Variants in PPP4R3B observed in about 807,000 individuals in gnomAD.
PPP4R3B encodes the protein protein phosphatase 4 regulatory subunit 3B, also known as serine/threonine-protein phosphatase 4 regulatory subunit 3B.
Under a neutral mutation model 95.4 loss-of-function variants are expected in PPP4R3B, and 52 were observed. The ratio of observed to expected loss-of-function variants is 0.54; its 90% CI spans 0.44 to 0.69. The LOEUF (loss-of-function observed/expected upper bound fraction) is 0.69. PPP4R3B is among the 30% of genes least tolerant of loss of function. The probability of loss-of-function intolerance (pLI) is 0.00; values close to 1 mark genes in which losing one functional copy is unlikely to be tolerated. For synonymous variants in PPP4R3B, 407 were observed against 343.9 expected (o/e 1.18, Z -2.03); for missense variants, 1,003 against 1,005.9 (o/e 1.00, Z 0.04).
Position 55,568,274 on chromosome 2 carries a change from T to C in PPP4R3B, c.1855A>G (p.Ile619Val), listed in dbSNP as rs753511168. ...ITKGNLFEPV[I>V]NALLDNGTRY... ...GTTCCATTATCCAGAAGTGCATTTATAACTGGCTCAAAAAGATTTCCCTTG... is the reference window on the plus strand; with the variant it reads ...GTTCCATTATCCAGAAGTGCATTTACAACTGGCTCAAAAAGATTTCCCTTG... The change falls in exon 13 of 17, where the codon ATA (isoleucine) becomes GTA (valine). Residue 619 changes from isoleucine to valine, a missense_variant. By Grantham distance (29) the Ile-to-Val change is conservative. Coordinates refer to ENST00000616407, the MANE Select transcript of PPP4R3B (RefSeq NM_001122964.3). 6 of 1,611,108 alleles carry C rather than the reference T, an allele frequency of 3.7e-6. No individual in the cohort carries two copies. The African/African-American group carries it at 6.7e-5, about 18-fold the overall frequency.
chr2:55,576,895 G>A (rs1238897719), intron 11 of PPP4R3B, among the ~76,000 whole-genome samples: 1 of 152,124 alleles, frequency 6.6e-6, no homozygotes, highest in Non-Finnish European at 1.5e-5. Context: ...GGTGCACACA[G>A]CACATGTCTT....
chr2:55,612,942 T>C (rs1243062042), intron 2 of PPP4R3B, among the ~76,000 whole-genome samples: 1 of 145,468 alleles, frequency 6.9e-6, no homozygotes, highest in Non-Finnish European at 1.5e-5. Context: ...CGAGACTCCA[T>C]CTCAAAAAAA....
At chr2:55,581,439 T>C (rs1689430461) in intron 8 of PPP4R3B, 128 bp downstream of exon 8, 3 of 981,228 alleles carry the variant, frequency 3.1e-6, no homozygotes, top group Admixed American at 2.7e-5. Flanking sequence ...TGAATTGCTA[T>C]AAGAATACCA....
intron 10 of PPP4R3B, among the ~76,000 whole-genome samples, chr2:55,578,016 G>T (rs1180961960): frequency 6.6e-6 from 1 of 152,100 alleles, no homozygotes; most frequent in African/African-American, 2.4e-5. Flanking sequence ...AGAGGATTAT[G>T]TAGGAGTTAA....
At chr2:55,606,828 A>G (rs1006221820) in intron 2 of PPP4R3B, among the ~76,000 whole-genome samples, 3 of 151,192 alleles carry the variant, frequency 2.0e-5, no homozygotes, top group African/African-American at 4.8e-5. Context: ...GCCTCAAAAA[A>G]AAAAAAAAAA....
At chr2:55,555,674 T>C (rs1227464689) in intron 16 of PPP4R3B, among the ~76,000 whole-genome samples, 1 of 152,208 alleles carries the variant, frequency 6.6e-6, no homozygotes, top group Non-Finnish European at 1.5e-5. Context: ...TGGTCACATA[T>C]TGCAGCAATG....
chr2:55,578,659 A>T (rs1324185234), intron 9 of PPP4R3B, among the ~76,000 whole-genome samples: 1 of 152,112 alleles, frequency 6.6e-6, no homozygotes, highest in Non-Finnish European at 1.5e-5. Flanking sequence ...CAAACAATGC[A>T]GCAACATTCT....
chr2:55,578,378 C>A, intron 9 of PPP4R3B, 36 bp from the exon 10 acceptor site: 1 of 1,317,440 alleles, frequency 7.6e-7, no homozygotes, highest in Non-Finnish European at 9.7e-7. Context: ...TTTGATAAAG[C>A]CAACAGGGAG....
chr2:55,562,608 C>T (rs1686774716), intron 15 of PPP4R3B, among the ~76,000 whole-genome samples: 1 of 152,178 alleles, frequency 6.6e-6, no homozygotes, highest in African/African-American at 2.4e-5. Flanking sequence ...AACCTCTTTT[C>T]TTCATAAACT....
At chr2:55,587,955 A>G (rs151165244) in intron 5 of PPP4R3B, among the ~76,000 whole-genome samples, 47 of 152,340 alleles carry the variant, frequency 3.1e-4, no homozygotes, top group African/African-American at 1.1e-3. Context: ...GAAACCGAAG[A>G]TATTCCTGTA....
At chr2:55,577,293 T>A in intron 11 of PPP4R3B, 22 bp downstream of exon 11, 1 of 1,548,190 alleles carries the variant, frequency 6.5e-7, no homozygotes, top group Non-Finnish European at 8.7e-7. Context: ...CATGTATTCA[T>A]AAAGTATGAA....
chr2:55,558,996 A>G (rs567432441), intron 15 of PPP4R3B, 28 bp from the exon 16 acceptor site: 19 of 1,547,674 alleles, frequency 1.2e-5, no homozygotes, highest in African/African-American at 4.1e-5. Flanking sequence ...TTTTGAACGT[A>G]TATCAATAAA....
intron 9 of PPP4R3B, among the ~76,000 whole-genome samples, 152 bp from the exon 10 acceptor site, chr2:55,578,494 C>T (rs1688996713): frequency 6.6e-6 from 1 of 151,882 alleles, no homozygotes; most frequent in Non-Finnish European, 1.5e-5. Context: ...TAAATGGAAC[C>T]ATTCTGCAAG....
At chr2:55,590,706 A>C (rs1690888668) in intron 4 of PPP4R3B, among the ~76,000 whole-genome samples, 1 of 152,240 alleles carries the variant, frequency 6.6e-6, no homozygotes, top group African/African-American at 2.4e-5. Flanking sequence ...GTTCTAAAAA[A>C]GTTTGTAACA....
chr2:55,585,777 C>G (rs1452979116), intron 6 of PPP4R3B, among the ~76,000 whole-genome samples: 1 of 152,156 alleles, frequency 6.6e-6, no homozygotes, highest in Non-Finnish European at 1.5e-5. Context: ...CTCCCCAACC[C>G]AGCAGTTCTC....
intron 7 of PPP4R3B, 100 bp from the exon 8 acceptor site, chr2:55,581,798 G>T: frequency 7.9e-7 from 1 of 1,261,858 alleles, no homozygotes; most frequent in Non-Finnish European, 1.1e-6. Flanking sequence ...GAATTATATA[G>T]AGAAAAAACG....
rs776571908 is a variant in PPP4R3B, at chr2:55,579,669, G to C, written c.1468+10C>G. On this transcript the variant is annotated intron_variant, in intron 9 of 16. Transcript: ENST00000616407. ...ACAGAAATCACAGCAGATAAATAAA[G>C]AGACCCTACCCTTTTCACATTTGTC... 12 of 1,521,958 alleles carry C rather than the reference G, an allele frequency of 7.9e-6. No individual in the cohort carries two copies. Among genetic ancestry groups the C allele is most frequent in the South Asian group, 1.3e-5 (1 of 75,516 alleles). 94.3% of individuals were successfully genotyped at this position (1,521,958 alleles called of 1,614,324 possible).
rs1309503800 is a variant in PPP4R3B at position 55,578,272 on chromosome 2, A to AGAATGG, written c.1533_1538dup (p.His512_Ser513dup). 1.4e-6 allele frequency: 2 copies of AGAATGG among 1,481,350 alleles called. No individual in the cohort carries two copies. Among genetic ancestry groups the AGAATGG allele is most frequent in the East Asian group, 5.1e-5 (2 of 38,858 alleles). The allele number at this position is 1,481,350 out of a possible 1,614,324, so 91.8% of individuals were successfully genotyped here. ...CTTGAGAGATGGAGGAAGAGGGGGTAGAATGGGAATGGGAATGTGAAGGGG... is the reference window on the plus strand; with the variant it reads ...CTTGAGAGATGGAGGAAGAGGGGGTAGAATGGGAATGGGAATGGGAATGTGAAGGGG... On this transcript the variant is annotated inframe_insertion, in exon 10 of 17. Coordinates refer to ENST00000616407, the MANE Select transcript of PPP4R3B (RefSeq NM_001122964.3).
Position 55,555,583 on chromosome 2 carries a change from G to A in PPP4R3B, c.2454+3192C>T, listed in dbSNP as rs116909690. Among the ~76,000 whole-genome samples the A allele has an allele frequency of 2.6e-4, 40 of 152,118 alleles. No homozygotes were observed. In the East Asian group the frequency reaches 6.8e-3, roughly 26 times the overall value. On this transcript the variant is annotated intron_variant, in intron 16 of 16. Coordinates refer to ENST00000616407, the MANE Select transcript of PPP4R3B (RefSeq NM_001122964.3). ...ACAAAAATTAGCCAGGCATGGTGTC[G>A]CACACCTGTAATCCTAGAACATTAT...
Sources: gnomAD v4.1 joint callset for allele counts (sites outside exome capture counted in the v4.1 genomes callset) on GRCh38, gnomAD v4.1.1 for gene constraint, MANE v1.5 for transcripts, NCBI Gene and HGNC (gene_info 2026-07-23, HGNC 2026-07-21) for gene names.